Variants in VWC2 observed in about 807,000 individuals in gnomAD.
VWC2 encodes the protein brorin.
VWC2 carries 14 observed loss-of-function variants against 29.8 expected under a neutral mutation model. That is an observed-to-expected ratio of 0.47 (90% CI 0.31 to 0.74). VWC2 has a LOEUF of 0.74. Among genes scored for constraint, VWC2 ranks in the 30% least tolerant of loss-of-function variants. The pLI, the probability that VWC2 is intolerant of heterozygous loss-of-function variation, is 0.05. For missense variants in VWC2, 457 were observed against 459.8 expected (o/e 0.99, Z 0.05); for synonymous variants, 213 against 199.0 (o/e 1.07, Z -0.59).
chr7:49,914,360 G>A lies in VWC2; in HGVS notation c.*2175G>A, dbSNP rs1793610783. The A allele has an allele frequency of 6.6e-6, 1 of 152,204 alleles. No homozygotes were observed. The highest frequency in any genetic ancestry group is 2.4e-5 in the African/African-American group (1 of 41,448). 9.4% of individuals were successfully genotyped at this position (152,204 alleles called of 1,614,324 possible). ...AACCTAGTATTTTGTTGCATATAGA[G>A]AGAATGAACCCAGTATCATCTTGGG... is the stretch of plus-strand genomic sequence containing the variant. On this transcript the variant is annotated 3_prime_UTR_variant, in exon 4 of 4. Coordinates refer to ENST00000340652, the MANE Select transcript of VWC2 (RefSeq NM_198570.5).
intron 3 of VWC2, among the ~76,000 whole-genome samples, chr7:49,889,568 A>C (rs1792042282): frequency 6.6e-6 from 1 of 152,168 alleles, no homozygotes; most frequent in Admixed American, 6.5e-5. Flanking sequence ...GGCGAGGATG[A>C]AAAGAGGAGC....
chr7:49,901,681 T>C (rs1254816017), intron 3 of VWC2, among the ~76,000 whole-genome samples: 1 of 151,884 alleles, frequency 6.6e-6, no homozygotes, highest in African/African-American at 2.4e-5. Context: ...TTTATAGTTA[T>C]CAAAACGGAT....
At chr7:49,899,006 C>A (rs1792556504) in intron 3 of VWC2, among the ~76,000 whole-genome samples, 1 of 151,930 alleles carries the variant, frequency 6.6e-6, no homozygotes, top group African/African-American at 2.4e-5. Flanking sequence ...ACTATATTAA[C>A]AGTCACTTTG....
chr7:49,833,392 A>C (rs904086055), intron 3 of VWC2, among the ~76,000 whole-genome samples: 2 of 152,228 alleles, frequency 1.3e-5, no homozygotes, highest in African/African-American at 4.8e-5. Context: ...CCCCTTGCAC[A>C]ATAAGCCAAT....
chr7:49,844,451 G>C (rs1365326424), intron 3 of VWC2, among the ~76,000 whole-genome samples: 1 of 152,050 alleles, frequency 6.6e-6, no homozygotes, highest in Non-Finnish European at 1.5e-5. Flanking sequence ...CTAAAATATT[G>C]TCCTATAAAT....
chr7:49,877,520 T>A (rs1181405318), intron 3 of VWC2, among the ~76,000 whole-genome samples: 3 of 73,296 alleles, frequency 4.1e-5, no homozygotes, highest in Admixed American at 1.4e-4. Context: ...ATATATATAG[T>A]TATTTGGTCA....
intron 3 of VWC2, among the ~76,000 whole-genome samples, chr7:49,817,820 G>A (rs1294861203): frequency 6.6e-6 from 1 of 152,168 alleles, no homozygotes; most frequent in African/African-American, 2.4e-5. Flanking sequence ...TCTTTTGAAA[G>A]CACATCAGCC....
rs868653831 is a variant in VWC2, at chr7:49,877,493, T to A, written c.827-34541T>A. ...AAAAAAAAAAAAAAATATATATATA[T>A]ATATATATATATATATATATATATA... On this transcript the variant is annotated intron_variant, in intron 3 of 3. Transcript: ENST00000340652. Among the ~76,000 whole-genome samples the A allele has an allele frequency of 4.5e-3, 275 of 61,262 alleles. 48 individuals are homozygous for A. Among genetic ancestry groups the A allele is most frequent in the African/African-American group, 0.02 (236 of 11,684 alleles). The allele number at this position is 61,262 out of a possible 152,430, so 40.2% of individuals were successfully genotyped here.
At chr7:49,885,480 TCAAATTACA>T in intron 3 of VWC2, among the ~76,000 whole-genome samples, 1 of 151,646 alleles carries the variant, frequency 6.6e-6, no homozygotes. Flanking sequence ...ATTAACTTCA[TCAAATTACA>T]TTCTGAAAAG....
rs1554344974 is a variant in VWC2 at position 49,911,918 on chromosome 7, T to TGCACACACAC, written c.827-116_827-115insGCACACACAC. ...TCTCAAAAACAAACAAACAAACAAA[T>TGCACACACAC]ACACGCACACACACACACACACACA... On this transcript the variant is annotated intron_variant, in intron 3 of 3. Transcript: ENST00000340652. The TGCACACACAC allele has an allele frequency of 2.2e-5, 5 of 223,020 alleles. No individual in the cohort carries two copies. The Admixed American group carries it at 4.9e-4, about 22-fold the overall frequency. The allele number at this position is 223,020 out of a possible 1,614,324, so 13.8% of individuals were successfully genotyped here.
chr7:49,870,216 C>T (rs1791087199), intron 3 of VWC2, among the ~76,000 whole-genome samples: 1 of 152,044 alleles, frequency 6.6e-6, no homozygotes, highest in Admixed American at 6.5e-5. Flanking sequence ...CTGGCTAAGA[C>T]AGTGAAACTC....
rs147097430 is a variant in VWC2 at position 49,890,982 on chromosome 7, T to A, written c.827-21052T>A. Among the ~76,000 whole-genome samples, 961 of 152,252 alleles carry A rather than the reference T, an allele frequency of 6.3e-3. 7 individuals are homozygous for A. The highest frequency in any genetic ancestry group is 0.022 in the African/African-American group (908 of 41,562). On this transcript the variant is annotated intron_variant, in intron 3 of 3. Coordinates refer to ENST00000340652, the MANE Select transcript of VWC2 (RefSeq NM_198570.5). ...ATAAAAGGAACAAAAAAAGATGGGC[T>A]AAATAGGAAAGAACTACTAAGGCCA...
At chr7:49,781,871 G>A (rs1788186115) in intron 2 of VWC2, among the ~76,000 whole-genome samples, 1 of 152,090 alleles carries the variant, frequency 6.6e-6, no homozygotes, top group Non-Finnish European at 1.5e-5. Context: ...AGTCGTAATG[G>A]GACTAAAAGC....
In VWC2 at chr7:49,774,359, C is replaced by T. The variant is rs562793514; in HGVS notation, c.-104+246C>T. 6.6e-5 allele frequency among the ~76,000 whole-genome samples: 10 copies of T among 152,282 alleles called. No individual in the cohort carries two copies. The East Asian group carries it at 1.7e-3, about 27-fold the overall frequency. On this transcript the variant is annotated intron_variant, in intron 1 of 3. Coordinates refer to ENST00000340652, the MANE Select transcript of VWC2 (RefSeq NM_198570.5). ...GGCTGAGGGGGAGGGGACAGACGCA[C>T]CGGAGTGCGCAGAGTGGGGGCGTTC...
intron 3 of VWC2, among the ~76,000 whole-genome samples, chr7:49,881,024 A>G (rs1263839968): frequency 6.6e-6 from 1 of 152,110 alleles, no homozygotes; most frequent in Non-Finnish European, 1.5e-5. Flanking sequence ...CAAATGTTTC[A>G]TCCTTTCTTG....
chr7:49,813,425 A>G (rs1292910538), intron 3 of VWC2, among the ~76,000 whole-genome samples: 1 of 152,224 alleles, frequency 6.6e-6, no homozygotes, highest in Non-Finnish European at 1.5e-5. Flanking sequence ...TTGCATTTTA[A>G]CAAACACTGT....
chr7:49,852,310 G>A (rs1312808657), intron 3 of VWC2, among the ~76,000 whole-genome samples: 6 of 152,190 alleles, frequency 3.9e-5, no homozygotes, highest in Non-Finnish European at 7.3e-5. Context: ...AAGGACCAAG[G>A]ACATGCATGC....
chr7:49,807,123 T>C (rs373045589), intron 3 of VWC2, among the ~76,000 whole-genome samples: 2 of 152,100 alleles, frequency 1.3e-5, no homozygotes, highest in Non-Finnish European at 2.9e-5. Flanking sequence ...AAAACATGAA[T>C]CTTTATTGAG....
At chr7:49,903,605 C>A (rs1792898997) in intron 3 of VWC2, among the ~76,000 whole-genome samples, 1 of 152,126 alleles carries the variant, frequency 6.6e-6, no homozygotes, top group Non-Finnish European at 1.5e-5. Context: ...AGAGAAGGTG[C>A]AGTGTGACTA....
Sources: gnomAD v4.1 joint callset for allele counts (sites outside exome capture counted in the v4.1 genomes callset) on GRCh38, gnomAD v4.1.1 for gene constraint, MANE v1.5 for transcripts, NCBI Gene and HGNC (gene_info 2026-07-23, HGNC 2026-07-21) for gene names.